Variants in DCAF1 observed in about 807,000 individuals in gnomAD.
DCAF1 encodes the protein DDB1- and CUL4-associated factor 1.
In DCAF1, 15 loss-of-function variants were observed where a neutral mutation model predicts 128.0. That is an observed-to-expected ratio of 0.12 (90% CI 0.08 to 0.18). DCAF1 has a LOEUF of 0.18. DCAF1 is among the 10% of genes least tolerant of loss of function. The probability of loss-of-function intolerance (pLI) is 1.00; values close to 1 mark genes in which losing one functional copy is unlikely to be tolerated. For missense variants in DCAF1, 988 were observed against 1,649.5 expected (o/e 0.60, Z 6.95); for synonymous variants, 610 against 603.0 (o/e 1.01, Z -0.17).
intron 13 of DCAF1, among the ~76,000 whole-genome samples, chr3:51,423,234 GTA>G (rs1699578538): frequency 6.6e-6 from 1 of 152,180 alleles, no homozygotes. Context: ...TCTCATGCCT[GTA>G]ATCCTAGTGC....
At chr3:51,436,210 T>C (rs1024057722) in intron 9 of DCAF1, among the ~76,000 whole-genome samples, 2 of 152,206 alleles carry the variant, frequency 1.3e-5, no homozygotes, top group Admixed American at 6.5e-5. Context: ...CAGAGATGAC[T>C]TGCTCTACAT....
chr3:51,462,474 G>A (rs1039904086), intron 6 of DCAF1, among the ~76,000 whole-genome samples: 24 of 151,972 alleles, frequency 1.6e-4, no homozygotes, highest in African/African-American at 4.8e-4. Flanking sequence ...GGCCAGGTGC[G>A]ATGGCTCACG....
chr3:51,440,788 C>T (rs781988981), intron 9 of DCAF1, among the ~76,000 whole-genome samples, 182 bp downstream of exon 9: 1 of 151,826 alleles, frequency 6.6e-6, no homozygotes, highest in Non-Finnish European at 1.5e-5. Flanking sequence ...TGACAGTAAT[C>T]CCAGCTACTC....
At chr3:51,411,474 T>C (rs1390294597) in intron 23 of DCAF1, among the ~76,000 whole-genome samples, 1 of 152,112 alleles carries the variant, frequency 6.6e-6, no homozygotes, top group Non-Finnish European at 1.5e-5. Context: ...TCAGAACCCA[T>C]ACTGACACAC....
At chr3:51,481,029 T>C (rs1258036702) in intron 3 of DCAF1, among the ~76,000 whole-genome samples, 1 of 152,072 alleles carries the variant, frequency 6.6e-6, no homozygotes, top group Non-Finnish European at 1.5e-5. Context: ...TGGGTAGAGG[T>C]GCTCATGGGT....
chr3:51,403,209 C>G lies in DCAF1; in HGVS notation c.4399G>C (p.Glu1467Gln), dbSNP rs1553625504. 3 of 1,613,974 alleles carry G rather than the reference C, an allele frequency of 1.9e-6. No homozygotes were observed. Among genetic ancestry groups the G allele is most frequent in the East Asian group, 4.5e-5 (2 of 44,878 alleles). Residue 1467 changes from glutamate to glutamine, a missense_variant, in exon 24 of 25, where the codon GAG becomes CAG. Glu to Gln is a conservative substitution (Grantham distance 29). This residue lies in a region of DCAF1 where 97 missense variants were observed against 134.5 expected (regional missense o/e 0.72). Transcript: ENST00000684031. ...SDEELANLLE[E>Q]GEDGEDEDSD... ...TCTTCATCCTCCCCGTCCTCTCCCT[C>G]CTCTAGAAGGTTTGCTAGCTCCTCA...
intron 21 of DCAF1, 102 bp downstream of exon 21, chr3:51,413,180 T>C: frequency 1.3e-6 from 2 of 1,545,566 alleles, no homozygotes; most frequent in South Asian, 2.4e-5. Context: ...ATAACTTCTC[T>C]GTTTTTCAAT....
chr3:51,445,421 A>G (rs1701759001), intron 6 of DCAF1, among the ~76,000 whole-genome samples: 1 of 152,210 alleles, frequency 6.6e-6, no homozygotes, highest in Non-Finnish European at 1.5e-5. Flanking sequence ...CACTCAAGAC[A>G]GGCTACAAAT....
intron 10 of DCAF1, among the ~76,000 whole-genome samples, chr3:51,432,422 C>CGT (rs1184941099): frequency 4.2e-4 from 63 of 151,346 alleles, no homozygotes; most frequent in Middle Eastern, 3.4e-3. Context: ...ACGATATAAA[C>CGT]GTGTGTGTGA....
At chr3:51,484,440 T>C (rs1706669503) in intron 2 of DCAF1, among the ~76,000 whole-genome samples, 1 of 151,742 alleles carries the variant, frequency 6.6e-6, no homozygotes, top group Non-Finnish European at 1.5e-5. Context: ...ACCATTGCAC[T>C]CCAGCTTGGG....
intron 6 of DCAF1, among the ~76,000 whole-genome samples, chr3:51,449,285 GCCACC>G (rs1702145146): frequency 6.6e-6 from 1 of 152,080 alleles, no homozygotes; most frequent in African/African-American, 2.4e-5. Flanking sequence ...TTGGCTCACT[GCCACC>G]TCTGCCTCCT....
chr3:51,497,981 C>T (rs71329057), intron 1 of DCAF1, among the ~76,000 whole-genome samples: 2 of 124,576 alleles, frequency 1.6e-5, no homozygotes, highest in Middle Eastern at 5.3e-3. Context: ...ACCTGGGAGG[C>T]GGAGCTTGCA....
chr3:51,423,243 G>C (rs1699580061), intron 13 of DCAF1, among the ~76,000 whole-genome samples: 2 of 152,278 alleles, frequency 1.3e-5, no homozygotes, highest in Middle Eastern at 6.8e-3. Flanking sequence ...TGTAATCCTA[G>C]TGCTTTGGGA....
intron 13 of DCAF1, among the ~76,000 whole-genome samples, chr3:51,423,067 C>T (rs1463571694): frequency 6.8e-6 from 1 of 146,152 alleles, no homozygotes; most frequent in Non-Finnish European, 1.5e-5. Flanking sequence ...GAGCCTGTCT[C>T]GAAAAACAAA....
intron 24 of DCAF1, among the ~76,000 whole-genome samples, chr3:51,400,992 G>T (rs2089647317): frequency 1.3e-5 from 2 of 151,854 alleles, no homozygotes; most frequent in South Asian, 2.1e-4. Flanking sequence ...ATTAGCTGGG[G>T]GTGGTGGCGG....
At chr3:51,450,345 G>A (rs1553641219) in intron 6 of DCAF1, among the ~76,000 whole-genome samples, 1 of 152,108 alleles carries the variant, frequency 6.6e-6, no homozygotes, top group Non-Finnish European at 1.5e-5. Flanking sequence ...TATCACTCAT[G>A]ACTATAGTTA....
At chr3:51,496,324 G>A (rs1344287354) in intron 2 of DCAF1, among the ~76,000 whole-genome samples, 1 of 152,140 alleles carries the variant, frequency 6.6e-6, no homozygotes, top group Admixed American at 6.6e-5. Context: ...CTGCTCCGGA[G>A]GCTGAGGCAG....
intron 3 of DCAF1, among the ~76,000 whole-genome samples, chr3:51,474,153 T>C (rs1331191547): frequency 6.6e-6 from 1 of 151,952 alleles, no homozygotes; most frequent in Admixed American, 6.6e-5. Context: ...GCGCCGTGGC[T>C]CATGCCTGTA....
intron 14 of DCAF1, among the ~76,000 whole-genome samples, chr3:51,421,562 T>G (rs1699394428): frequency 6.6e-6 from 1 of 152,158 alleles, no homozygotes; most frequent in African/African-American, 2.4e-5. Context: ...CGACCTTTTC[T>G]GGTTTATTAA....
Sources: gnomAD v4.1 joint callset for allele counts (sites outside exome capture counted in the v4.1 genomes callset) on GRCh38, gnomAD v4.1.1 for gene constraint, gnomAD v4.1.1 regional missense constraint, MANE v1.5 for transcripts, NCBI Gene and HGNC (gene_info 2026-07-23, HGNC 2026-07-21) for gene names.